PCNX2: variants seen among roughly 807,000 people sequenced by gnomAD.
PCNX2 encodes pecanex-like protein 2.
A neutral mutation model predicts 223.8 loss-of-function variants in PCNX2; 168 were observed. That is an observed-to-expected ratio of 0.75 (90% confidence interval 0.66 to 0.85). PCNX2 has a LOEUF of 0.85. Among genes scored for constraint, PCNX2 ranks in the 40% least tolerant of loss-of-function variants. The pLI is 0.00. For missense variants in PCNX2, 2,507 were observed against 2,675.5 expected, an observed-to-expected ratio of 0.94 and a Z score of 1.39; for synonymous variants, 1,006 against 1,052.6, an observed-to-expected ratio of 0.96 and a Z score of 0.86.
chr1:233,030,657 G>C (rs938417708), intron 25 of PCNX2, among the ~76,000 whole-genome samples: 2 of 152,118 alleles, frequency 1.3e-5, no homozygotes, highest in African/African-American at 4.8e-5. Context: ...TATTCCAGGG[G>C]GATAATATCT....
rs1010877351 is a variant in PCNX2, at chr1:233,135,095, A to G, written c.3755T>C (p.Val1252Ala). ...VYQFINLSFTVIFFHFDYKDI... is the reference protein window; with the variant it reads ...VYQFINLSFTAIFFHFDYKDI... ...TTTGTAGTCAAAGTGGAAAAAGATGACAGTGAAGCTCAAGTTAATAAACTG... is the reference window on the plus strand; with the variant it reads ...TTTGTAGTCAAAGTGGAAAAAGATGGCAGTGAAGCTCAAGTTAATAAACTG... The change falls in exon 21 of 34, where the codon GTC (valine) becomes GCC (alanine). Residue 1252 changes from valine to alanine, a missense_variant. Physicochemically the swap from Val to Ala is moderately conservative, Grantham distance 64. Coordinates refer to ENST00000258229, the MANE Select transcript of PCNX2 (RefSeq NM_014801.4). 5 of 1,612,968 alleles carry G rather than the reference A, an allele frequency of 3.1e-6. No homozygotes were observed. Among genetic ancestry groups the G allele is most frequent in the Non-Finnish European group, 4.2e-6 (5 of 1,178,900 alleles).
chr1:233,155,924 A>G (rs1482691699), intron 19 of PCNX2, among the ~76,000 whole-genome samples: 2 of 152,186 alleles, frequency 1.3e-5, no homozygotes, highest in East Asian at 1.9e-4. Flanking sequence ...GCAGTTGCCT[A>G]TTGTGCTGTC....
At chr1:233,008,726 C>T (rs915500527) in intron 28 of PCNX2, among the ~76,000 whole-genome samples, 1 of 152,226 alleles carries the variant, frequency 6.6e-6, no homozygotes, top group African/African-American at 2.4e-5. Context: ...GTGGCAGCAA[C>T]TCCTATCGGA....
At chr1:233,084,328 T>G (rs1386328293) in intron 23 of PCNX2, among the ~76,000 whole-genome samples, 1 of 152,102 alleles carries the variant, frequency 6.6e-6, no homozygotes, top group Non-Finnish European at 1.5e-5. Flanking sequence ...AGATGCAGAG[T>G]TGATACTTTT....
chr1:233,170,305 C>T (rs1195985700), intron 17 of PCNX2, among the ~76,000 whole-genome samples: 1 of 152,208 alleles, frequency 6.6e-6, no homozygotes, highest in Non-Finnish European at 1.5e-5. Context: ...CTTGTCAACA[C>T]TTAGTACTCT....
At chr1:233,041,482 C>T (rs1671644106) in intron 25 of PCNX2, among the ~76,000 whole-genome samples, 1 of 152,186 alleles carries the variant, frequency 6.6e-6, no homozygotes, top group African/African-American at 2.4e-5. Flanking sequence ...GAAAACAACC[C>T]TCTCGGCCAT....
At chr1:233,039,779 T>C (rs1671579688) in intron 25 of PCNX2, among the ~76,000 whole-genome samples, 1 of 152,246 alleles carries the variant, frequency 6.6e-6, no homozygotes, top group Non-Finnish European at 1.5e-5. Flanking sequence ...CAAGAAAACA[T>C]GTATTGATTG....
intron 23 of PCNX2, among the ~76,000 whole-genome samples, chr1:233,071,700 T>G (rs1307308520): frequency 3.3e-5 from 5 of 152,190 alleles, no homozygotes; most frequent in African/African-American, 1.2e-4. Context: ...ATTTCTGTTT[T>G]TAGGTCTTTG....
intron 8 of PCNX2, among the ~76,000 whole-genome samples, chr1:233,237,437 AGTAC>A (rs1428961015): frequency 6.6e-6 from 1 of 152,208 alleles, no homozygotes; most frequent in Non-Finnish European, 1.5e-5. Flanking sequence ...AAGCAAGGTA[AGTAC>A]TTATTAGACA....
chr1:233,127,899 A>C (rs1676194946), intron 21 of PCNX2, among the ~76,000 whole-genome samples: 1 of 152,236 alleles, frequency 6.6e-6, no homozygotes. Flanking sequence ...TCAATGAATG[A>C]ACAATTGCTT....
rs1669659125 is a variant in PCNX2, at chr1:232,990,510, G to T, written c.5792-3970C>A. On this transcript the variant is annotated intron_variant, in intron 32 of 33. Transcript: ENST00000258229. The surrounding 1 kb of genome is among the most constrained non-coding windows in gnomAD (Gnocchi z 4.3). ...ACTGCTCTTGGCTGTGACAGAACCT[G>T]CCTACAGCTGCAACTCTGAGACCCA... Among the ~76,000 whole-genome samples, 2 of 152,172 alleles carry T rather than the reference G, an allele frequency of 1.3e-5. No homozygotes were observed. The highest frequency in any genetic ancestry group is 1.3e-4 in the Admixed American group (2 of 15,282).
intron 19 of PCNX2, among the ~76,000 whole-genome samples, chr1:233,154,168 T>C (rs1161369143): frequency 6.6e-6 from 1 of 151,952 alleles, no homozygotes; most frequent in African/African-American, 2.4e-5. Flanking sequence ...AACCTCTGCT[T>C]CCTGGGTTCA....
chr1:233,122,548 A>T (rs1174581329), intron 21 of PCNX2, among the ~76,000 whole-genome samples: 3 of 144,608 alleles, frequency 2.1e-5, no homozygotes, highest in Non-Finnish European at 4.5e-5. Context: ...TTTGAGATGT[A>T]GTTTCACTCT....
rs763182227 is a variant in PCNX2, at chr1:233,025,242, C to A, written c.4509G>T (p.Gln1503His). ...GGATGCTGTAGCCCTCCAGGATGTA[C>A]TGGGTCTGCGTGATTTCCCAGGTGA... ...RWLTWEITQT[Q>H]YILEGYSILD... is the part of the protein sequence containing the mutation. The change falls in exon 26 of 34, where the codon CAG (glutamine) becomes CAT (histidine). Residue 1503 changes from glutamine to histidine, a missense_variant. Physicochemically the swap from Gln to His is conservative, Grantham distance 24. This residue lies in a region of PCNX2 where 1,372 missense variants were observed against 1,509.4 expected (regional missense o/e 0.91). Coordinates refer to ENST00000258229, the MANE Select transcript of PCNX2 (RefSeq NM_014801.4). 9.3e-6 allele frequency: 15 copies of A among 1,614,000 alleles called. No homozygotes were observed. Among genetic ancestry groups the A allele is most frequent in the Non-Finnish European group, 1.3e-5 (15 of 1,179,896 alleles).
At chr1:233,160,477 T>A in intron 18 of PCNX2, 44 bp from the exon 19 acceptor site, 1 of 1,582,124 alleles carries the variant, frequency 6.3e-7, no homozygotes, top group East Asian at 2.2e-5. Context: ...GCCTAGAGGA[T>A]GGGGAGAGGG....
intron 23 of PCNX2, among the ~76,000 whole-genome samples, chr1:233,061,989 C>G (rs1281906411): frequency 6.6e-6 from 1 of 152,116 alleles, no homozygotes; most frequent in African/African-American, 2.4e-5. Context: ...AAACTCCTGA[C>G]CTCAGGTGAT....
At chr1:233,092,703 A>C (rs540045887) in intron 22 of PCNX2, among the ~76,000 whole-genome samples, 16 of 152,350 alleles carry the variant, frequency 1.1e-4, no homozygotes, top group African/African-American at 3.8e-4. Flanking sequence ...ATTTCTTTCT[A>C]AGAGAAATAG....
rs1669964906 is a variant in PCNX2 at position 232,998,740 on chromosome 1, T to G, written c.5604-302A>C. 2.0e-5 allele frequency among the ~76,000 whole-genome samples: 3 copies of G among 152,214 alleles called. No homozygotes were observed. In the South Asian group the frequency reaches 6.2e-4, roughly 32 times the overall value. On this transcript the variant is annotated intron_variant, in intron 31 of 33. Transcript: ENST00000258229. ...CTTCTTAGAATTCATCCCAACTGATTACTACATCCAGGTAAGAAGACTTAT... is the reference window on the plus strand; with the variant it reads ...CTTCTTAGAATTCATCCCAACTGATGACTACATCCAGGTAAGAAGACTTAT...
intron 13 of PCNX2, among the ~76,000 whole-genome samples, chr1:233,205,704 A>C (rs189913163): frequency 9.9e-4 from 150 of 151,030 alleles, no homozygotes; most frequent in South Asian, 3.6e-3. Context: ...AAAAAAAAAA[A>C]AAAACAAAAC....
Sources: gnomAD v4.1 joint callset for allele counts (sites outside exome capture counted in the v4.1 genomes callset) on GRCh38, gnomAD v4.1.1 for gene constraint, gnomAD v4.1.1 regional missense constraint, Gnocchi (gnomAD v3.1) non-coding constraint, MANE v1.5 for transcripts, NCBI Gene and HGNC (gene_info 2026-07-23, HGNC 2026-07-21) for gene names.